GGNBP2: variants seen among roughly 807,000 people sequenced by gnomAD.
GGNBP2 encodes gametogenetin-binding protein 2.
In GGNBP2, 10 loss-of-function variants were observed where a neutral mutation model predicts 85.9. The ratio of observed to expected loss-of-function variants is 0.12; its 90% confidence interval spans 0.07 to 0.20. The LOEUF (loss-of-function observed/expected upper bound fraction) is 0.20. Among genes scored for constraint, GGNBP2 ranks in the 10% least tolerant of loss-of-function variants. GGNBP2 has a pLI of 1.00. For synonymous variants in GGNBP2, 287 were observed against 285.7 expected, an observed-to-expected ratio of 1.00 and a Z score of -0.05; for missense variants, 595 against 857.8, an observed-to-expected ratio of 0.69 and a Z score of 3.83.
intron 6 of GGNBP2, chr17:36,575,238 T>C (rs1438924874): frequency 3.2e-6 from 2 of 632,810 alleles, no homozygotes; most frequent in Non-Finnish European, 5.8e-6. Context: ...CGGCCCCGGA[T>C]GCCACTGCCG....
At chr17:36,585,554 C>G in intron 10 of GGNBP2, 104 bp downstream of exon 10, 1 of 782,078 alleles carries the variant, frequency 1.3e-6, no homozygotes, top group Non-Finnish European at 2.0e-6. Flanking sequence ...TTTAAAACTG[C>G]TTTATAGTTC....
chr17:36,585,809 T>C, intron 10 of GGNBP2, 31 bp from the exon 11 acceptor site: 1 of 1,598,198 alleles, frequency 6.3e-7, no homozygotes, highest in East Asian at 2.2e-5. Flanking sequence ...ATTGGTATGT[T>C]AATAGTAACT....
intron 2 of GGNBP2, chr17:36,547,817 C>A (rs185892292): frequency 6.6e-6 from 1 of 152,318 alleles, no homozygotes; most frequent in Non-Finnish European, 1.5e-5. Flanking sequence ...GTTTTTATCA[C>A]AAAGGAATGA....
intron 8 of GGNBP2, among the ~76,000 whole-genome samples, chr17:36,580,824 C>T (rs2074641234): frequency 6.6e-6 from 1 of 151,604 alleles, no homozygotes; most frequent in Non-Finnish European, 1.5e-5. Flanking sequence ...GAGGCTGAGG[C>T]AGGAGAATCG....
chr17:36,571,044 A>G (rs1004134043), intron 6 of GGNBP2, among the ~76,000 whole-genome samples: 6 of 152,178 alleles, frequency 3.9e-5, no homozygotes, highest in Admixed American at 2.0e-4. Context: ...ACGGTAGAAC[A>G]TCGGCAGATA....
At position 36,585,378 on chromosome 17, in the gene GGNBP2, G is replaced by C. The variant is rs2074690628; in HGVS notation, c.1294G>C (p.Val432Leu). 1 of 1,612,036 alleles carries C rather than the reference G, an allele frequency of 6.2e-7. No homozygotes were observed. Among genetic ancestry groups the C allele is most frequent in the Non-Finnish European group, 8.5e-7 (1 of 1,178,432 alleles). ...TGGTAATACTTGTGTAGAAGTAATT[G>C]TTACCAATGAAAATACATCATGTAC... ...EDGNTCVEVI[V>L]TNENTSCTCP... The change falls in exon 10 of 14, where the codon GTT becomes CTT. Residue 432 changes from valine (V) to leucine (L), a missense_variant. Around this residue, in one of 9 missense-constraint regions of GGNBP2, gnomAD observed 85 missense variants for 92.6 expected, o/e 0.92. Coordinates refer to ENST00000613102, the MANE Select transcript of GGNBP2 (RefSeq NM_024835.5).
Position 36,586,870 on chromosome 17 carries a change from C to T in GGNBP2, c.1642-127C>T, listed in dbSNP as rs112147014. On this transcript the variant is annotated intron_variant, in intron 12 of 13. Coordinates refer to ENST00000613102, the MANE Select transcript of GGNBP2 (RefSeq NM_024835.5). ...TTGACCTCAGGTGATCCACCTGCCT[C>T]GGCCTCCCAAAATGTTGAGATTGTA... is the stretch of plus-strand genomic sequence containing the variant. The T allele has an allele frequency of 6.3e-5, 56 of 895,178 alleles. 1 individual carries two copies. Among genetic ancestry groups the T allele is most frequent in the Admixed American group, 1.4e-4 (5 of 34,724 alleles). The allele number at this position is 895,178 out of a possible 1,614,324, so 55.5% of individuals were successfully genotyped here.
chr17:36,563,934 G>A (rs1283591384), intron 5 of GGNBP2, among the ~76,000 whole-genome samples: 1 of 152,088 alleles, frequency 6.6e-6, no homozygotes, highest in African/African-American at 2.4e-5. Context: ...AGTAGACACA[G>A]GGTTTCACCA....
intron 9 of GGNBP2, 22 bp from the exon 10 acceptor site, chr17:36,585,278 C>CT (rs769199382): frequency 6.2e-7 from 1 of 1,605,098 alleles, no homozygotes; most frequent in Non-Finnish European, 8.5e-7. Flanking sequence ...TCTTGACTCT[C>CT]TCTTAATGTT....
intron 6 of GGNBP2, chr17:36,576,596 T>TGG (rs2074589522): frequency 1.6e-4 from 2 of 12,712 alleles, no homozygotes; most frequent in South Asian, 3.2e-3. Context: ...TATATATATA[T>TGG]GTGTGTGTGT....
intron 6 of GGNBP2, chr17:36,576,629 G>GTGTGTGTGTACATA (rs1203227585): frequency 9.0e-6 from 1 of 111,082 alleles, no homozygotes; most frequent in African/African-American, 4.0e-5. Flanking sequence ...GTGTGTGTGT[G>GTGTGTGTGTACATA]TATATGTATA....
intron 2 of GGNBP2, chr17:36,546,642 C>G (rs1298450439): frequency 6.6e-6 from 1 of 152,160 alleles, no homozygotes; most frequent in Non-Finnish European, 1.5e-5. Context: ...TGAATCTGAA[C>G]AGGAAATGAG....
At chr17:36,585,477 G>A in intron 10 of GGNBP2, 27 bp downstream of exon 10, 2 of 1,492,358 alleles carry the variant, frequency 1.3e-6, no homozygotes, top group Non-Finnish European at 1.8e-6. Context: ...TTTTTAAAAT[G>A]AACTCTTAAC....
At chr17:36,586,359 T>C (rs2074701890) in intron 12 of GGNBP2, 161 bp downstream of exon 12, 8 of 795,326 alleles carry the variant, frequency 1.0e-5, no homozygotes, top group Non-Finnish European at 1.5e-5. Context: ...AGAGTGTGGG[T>C]TGGGGGCAGA....
chr17:36,555,562 A>G (rs995511074), intron 3 of GGNBP2, among the ~76,000 whole-genome samples: 1 of 152,164 alleles, frequency 6.6e-6, no homozygotes, highest in Non-Finnish European at 1.5e-5. Flanking sequence ...CAGACATGGC[A>G]GCATGTGCCT....
At position 36,554,863 on chromosome 17, in the gene GGNBP2, A is replaced by C; in HGVS notation, c.137A>C (p.His46Pro). 6.2e-7 allele frequency: 1 copy of C among 1,610,490 alleles called. No individual in the cohort carries two copies. The highest frequency in any genetic ancestry group is 8.5e-7 in the Non-Finnish European group (1 of 1,176,604). Reference protein sequence around the residue: ...FPDNVLNLDGHQNNGAQLKQF... With the variant: ...FPDNVLNLDGPQNNGAQLKQF... ...GATAATGTGTTAAATCTCGATGGAC[A>C]TCAGAATAATGGTGCACAGCTAAAG... The change falls in exon 3 of 14, where the codon CAT (histidine) becomes CCT (proline). Residue 46 changes from histidine to proline, a missense_variant. Physicochemically the swap from His to Pro is moderately conservative, Grantham distance 77. Around this residue, in one of 9 missense-constraint regions of GGNBP2, gnomAD observed 216 missense variants for 293.4 expected, o/e 0.74. Coordinates refer to ENST00000613102, the MANE Select transcript of GGNBP2 (RefSeq NM_024835.5).
At chr17:36,568,237 T>C (rs575429264) in intron 6 of GGNBP2, among the ~76,000 whole-genome samples, 2 of 151,748 alleles carry the variant, frequency 1.3e-5, no homozygotes, top group African/African-American at 4.8e-5. Flanking sequence ...GCAGTTGCTT[T>C]ATGGGATGAC....
intron 2 of GGNBP2, 40 bp downstream of exon 2, chr17:36,545,857 G>A (rs773275172): frequency 1.7e-5 from 25 of 1,433,434 alleles, no homozygotes; most frequent in Non-Finnish European, 2.4e-5. Context: ...CGCTCCCCTG[G>A]CAGCTGTTTC....
chr17:36,545,496 G>C lies in GGNBP2; in HGVS notation c.-106-123G>C, dbSNP rs898681714. The C allele has an allele frequency of 1.8e-5, 8 of 445,760 alleles. No homozygotes were observed. In the South Asian group the frequency reaches 2.9e-4, roughly 16 times the overall value. The allele number at this position is 445,760 out of a possible 1,614,324, so 27.6% of individuals were successfully genotyped here. On this transcript the variant is annotated intron_variant, in intron 1 of 13. Transcript: ENST00000613102. Reference sequence around the variant, plus strand: ...GGGCGCTGATTGGCTGAGCGTGTGTGGAATCGGGTGATGGGAAACGCAGCC... The same window carrying C: ...GGGCGCTGATTGGCTGAGCGTGTGTCGAATCGGGTGATGGGAAACGCAGCC...
Sources: gnomAD v4.1 joint callset for allele counts (sites outside exome capture counted in the v4.1 genomes callset) on GRCh38, gnomAD v4.1.1 for gene constraint, gnomAD v4.1.1 regional missense constraint, MANE v1.5 for transcripts, NCBI Gene and HGNC (gene_info 2026-07-23, HGNC 2026-07-21) for gene names.